Variants in CTNNA2 observed in about 807,000 individuals in gnomAD.
CTNNA2 encodes the protein catenin alpha 2.
CTNNA2 carries 42 observed loss-of-function variants against 101.0 expected under a neutral mutation model. That is an observed-to-expected ratio of 0.42 (90% confidence interval 0.32 to 0.54). CTNNA2 has a LOEUF of 0.54. Ranked by LOEUF, CTNNA2 falls within the 20% of genes least tolerant of loss-of-function variation. The pLI is 0.14. For synonymous variants in CTNNA2, 450 were observed against 456.4 expected, an observed-to-expected ratio of 0.99 and a Z score of 0.18; for missense variants, 871 against 1,223.1, an observed-to-expected ratio of 0.71 and a Z score of 4.29.
At chr2:79,555,371 ACTG>A (rs1674379252) in intron 1 of CTNNA2, among the ~76,000 whole-genome samples, 2 of 152,202 alleles carry the variant, frequency 1.3e-5, no homozygotes, top group Admixed American at 1.3e-4. Flanking sequence ...TGAGAGTGAA[ACTG>A]GCATCACTTT....
intron 2 of CTNNA2, among the ~76,000 whole-genome samples, chr2:79,274,183 GT>G (rs1229678832): frequency 2.6e-5 from 4 of 152,006 alleles, no homozygotes; most frequent in African/African-American, 9.7e-5. Flanking sequence ...AAGAGGAATG[GT>G]TTATGTTCTC....
chr2:80,149,229 G>A (rs1018806150), intron 7 of CTNNA2, among the ~76,000 whole-genome samples: 1 of 151,952 alleles, frequency 6.6e-6, no homozygotes, highest in South Asian at 2.1e-4. Flanking sequence ...TAGAGACAGG[G>A]TCTTTTACTT....
At chr2:80,367,321 G>A (rs942776105) in intron 7 of CTNNA2, among the ~76,000 whole-genome samples, 23 of 152,166 alleles carry the variant, frequency 1.5e-4, no homozygotes, top group Admixed American at 2.6e-4. Context: ...TGAGACCTCC[G>A]ACTGACTAGT....
At chr2:79,853,950 G>A (rs1234441647) in intron 3 of CTNNA2, among the ~76,000 whole-genome samples, 2 of 151,976 alleles carry the variant, frequency 1.3e-5, no homozygotes, top group African/African-American at 4.8e-5. Context: ...TTACAGGTGT[G>A]AGCCACCGCG....
intron 7 of CTNNA2, among the ~76,000 whole-genome samples, chr2:80,277,553 G>GAAAAAAAAAAAAAAAAAAAA (rs10650278): frequency 3.6e-5 from 3 of 83,828 alleles, no homozygotes; most frequent in African/African-American, 1.4e-4. Context: ...AAGGATTTCT[G>GAAAAAAAAAAAAAAAAAAAA]AAAAAAAAAA....
intron 2 of CTNNA2, among the ~76,000 whole-genome samples, chr2:79,245,861 T>C (rs1674693449): frequency 6.6e-6 from 1 of 152,136 alleles, no homozygotes; most frequent in Admixed American, 6.5e-5. Context: ...GTATCTTCTC[T>C]CCACAGTCAG....
At chr2:79,313,513 G>C (rs1676429946) in intron 3 of CTNNA2, among the ~76,000 whole-genome samples, 6 of 152,132 alleles carry the variant, frequency 3.9e-5, no homozygotes, top group Admixed American at 3.9e-4. Flanking sequence ...AATTTAGCTA[G>C]ATTCTCAGCT....
At chr2:79,467,636 G>A (rs906030873) in intron 4 of CTNNA2, among the ~76,000 whole-genome samples, 3 of 152,168 alleles carry the variant, frequency 2.0e-5, no homozygotes, top group African/African-American at 7.2e-5. Flanking sequence ...AGAAAGGTTG[G>A]GTTACCCACA....
intron 1 of CTNNA2, among the ~76,000 whole-genome samples, chr2:79,580,697 T>C (rs1361827916): frequency 6.6e-6 from 1 of 152,208 alleles, no homozygotes; most frequent in Non-Finnish European, 1.5e-5. Flanking sequence ...AGGAGAAATA[T>C]AAGGAAATGT....
At chr2:80,294,103 G>C (rs1304773378) in intron 7 of CTNNA2, among the ~76,000 whole-genome samples, 1 of 152,102 alleles carries the variant, frequency 6.6e-6, no homozygotes. Flanking sequence ...AGGAAAGGAA[G>C]GTGGTAGCGG....
chr2:79,490,448 A>C (rs1671197571), intron 4 of CTNNA2, among the ~76,000 whole-genome samples: 1 of 151,878 alleles, frequency 6.6e-6, no homozygotes, highest in Non-Finnish European at 1.5e-5. Context: ...TGTTCTGAAG[A>C]CTCCCAGAAA....
At chr2:79,824,570 G>A (rs573832919) in intron 3 of CTNNA2, among the ~76,000 whole-genome samples, 2 of 152,244 alleles carry the variant, frequency 1.3e-5, no homozygotes, top group South Asian at 4.1e-4. Context: ...TCAAAATTTA[G>A]TCAAGTTTGG....
chr2:80,060,330 C>G (rs1697494996), intron 7 of CTNNA2, among the ~76,000 whole-genome samples: 1 of 152,164 alleles, frequency 6.6e-6, no homozygotes, highest in African/African-American at 2.4e-5. Flanking sequence ...TGGAGAGGCT[C>G]CTGCAAATTG....
intron 7 of CTNNA2, among the ~76,000 whole-genome samples, chr2:80,095,982 G>C (rs1700119991): frequency 6.6e-6 from 1 of 151,930 alleles, no homozygotes; most frequent in Non-Finnish European, 1.5e-5. Flanking sequence ...TTTTTGAAGG[G>C]TTTTTTGTGT....
At chr2:80,343,984 T>C (rs1672476614) in intron 7 of CTNNA2, among the ~76,000 whole-genome samples, 1 of 152,142 alleles carries the variant, frequency 6.6e-6, no homozygotes, top group Non-Finnish European at 1.5e-5. Context: ...GGAAGAGCTA[T>C]TCCAGTATTT....
intron 2 of CTNNA2, among the ~76,000 whole-genome samples, chr2:79,715,465 C>T (rs914415483): frequency 8.6e-5 from 13 of 152,042 alleles, no homozygotes; most frequent in African/African-American, 3.1e-4. Context: ...AAAAATGAAA[C>T]AGTACTTTCA....
chr2:80,055,558 C>G (rs2104352429), intron 7 of CTNNA2, among the ~76,000 whole-genome samples: 1 of 152,214 alleles, frequency 6.6e-6, no homozygotes, highest in East Asian at 1.9e-4. Context: ...TGAGCACTTT[C>G]ATATAATAAT....
At chr2:79,251,240 C>G (rs1391135900) in intron 2 of CTNNA2, among the ~76,000 whole-genome samples, 1 of 152,166 alleles carries the variant, frequency 6.6e-6, no homozygotes, top group Non-Finnish European at 1.5e-5. Flanking sequence ...AGGCTGCAGC[C>G]ACTTCCAGTT....
rs928233840 is a variant in CTNNA2 at position 79,952,149 on chromosome 2, G to C, written c.1056+42352G>C. 2.0e-5 allele frequency among the ~76,000 whole-genome samples: 3 copies of C among 152,042 alleles called. No homozygotes were observed. In the South Asian group the frequency reaches 6.2e-4, roughly 32 times the overall value. ...GTAAAAGTAAATTTGTATTGTATTTGTGGTCTCTCCAGGCCACCTAACTTA... is the reference window on the plus strand; with the variant it reads ...GTAAAAGTAAATTTGTATTGTATTTCTGGTCTCTCCAGGCCACCTAACTTA... On this transcript the variant is annotated intron_variant, in intron 7 of 18. Transcript: ENST00000402739.
Sources: allele counts gnomAD v4.1 joint callset (sites outside exome capture counted in the v4.1 genomes callset), GRCh38; gene constraint gnomAD v4.1.1; transcripts MANE v1.5; gene names NCBI Gene and HGNC (gene_info 2026-07-23, HGNC 2026-07-21).